Variants in ELFN1 observed in about 807,000 individuals in gnomAD.
ELFN1 encodes protein ELFN1.
Under a neutral mutation model 7.6 loss-of-function variants are expected in ELFN1, and 6 were observed. The ratio of observed to expected loss-of-function variants is 0.79; its 90% CI spans 0.43 to 1.56. ELFN1 has a LOEUF of 1.56. Among genes scored for constraint, ELFN1 ranks in the 40% most tolerant of loss-of-function variants. ELFN1 has a pLI of 0.01. For synonymous variants in ELFN1, 657 were observed against 588.1 expected (o/e 1.12, Z -1.70); for missense variants, 1,169 against 1,232.2 (o/e 0.95, Z 0.77).
At chr7:1,721,517 G>A (rs919005952) in intron 3 of ELFN1, among the ~76,000 whole-genome samples, 4 of 152,216 alleles carry the variant, frequency 2.6e-5, no homozygotes, top group African/African-American at 9.6e-5. Flanking sequence ...TGCTTTAAAC[G>A]CCTTGTCGGC....
At chr7:1,696,059 C>T (rs1779300842) in intron 2 of ELFN1, among the ~76,000 whole-genome samples, 1 of 152,154 alleles carries the variant, frequency 6.6e-6, no homozygotes. Context: ...TCTCCCCGCC[C>T]TGAGACTGGA....
chr7:1,699,196 C>T (rs1007931031), intron 2 of ELFN1, among the ~76,000 whole-genome samples: 12 of 152,166 alleles, frequency 7.9e-5, no homozygotes, highest in African/African-American at 2.7e-4. Flanking sequence ...TGCTGATGGC[C>T]TTTCAGGTTG....
intron 2 of ELFN1, among the ~76,000 whole-genome samples, chr7:1,690,948 A>C (rs1027387968): frequency 6.6e-6 from 1 of 152,168 alleles, no homozygotes; most frequent in African/African-American, 2.4e-5. Context: ...GTAGATAATG[A>C]ATGAGTGGAT....
chr7:1,713,388 C>G lies in ELFN1; in HGVS notation c.-294+4136C>G, dbSNP rs529015389. On this transcript the variant is annotated intron_variant, in intron 3 of 3. Transcript: ENST00000424383. ...CGCTCCGCTGAGTCTTCCTCAGGAA[C>G]TTGGGGTGGGACGCATTGTTTCCGA... Among the ~76,000 whole-genome samples, 10 of 152,312 alleles carry G rather than the reference C, an allele frequency of 6.6e-5. No individual in the cohort carries two copies. The East Asian group carries it at 1.9e-3, about 29-fold the overall frequency.
At position 1,741,231 on chromosome 7, in the gene ELFN1, C is replaced by G. The variant is rs148575539; in HGVS notation, c.-293-3073C>G. On this transcript the variant is annotated intron_variant, in intron 3 of 3. Transcript: ENST00000424383. The stretch of plus-strand genomic sequence containing the variant: ...TGTGCCTCCTAAGGGGCTGTGGGCC[C>G]ACCCTTCCTCCCTGGCAGGGCGCTG... 6.6e-3 allele frequency among the ~76,000 whole-genome samples: 1,002 copies of G among 152,296 alleles called. 14 individuals carry two copies. The highest frequency in any genetic ancestry group is 0.023 in the African/African-American group (952 of 41,578).
chr7:1,678,312 C>G (rs1778910543), intron 1 of ELFN1, among the ~76,000 whole-genome samples: 1 of 152,196 alleles, frequency 6.6e-6, no homozygotes, highest in Non-Finnish European at 1.5e-5. Flanking sequence ...CTGCCACGAC[C>G]ACCCAGGGCA....
chr7:1,746,878 G>A lies in ELFN1; in HGVS notation c.2282G>A (p.Ser761Asn). The change falls in exon 4 of 4, where the codon AGC becomes AAC. Residue 761 changes from serine (S) to asparagine (N), a missense_variant. Ser to Asn is a conservative substitution (Grantham distance 46). Coordinates refer to ENST00000424383, the MANE Select transcript of ELFN1 (RefSeq NM_001128636.4). ...CTGTCCCCGCAGTACCACAGCCTGA[G>A]CTACTCCTCCAGCCCCGAGTACACC... The part of the protein sequence containing the change: ...SQLSPQYHSL[S>N]YSSSPEYTCR... 1.3e-6 allele frequency: 2 copies of A among 1,544,084 alleles called. No homozygotes were observed. Among genetic ancestry groups the A allele is most frequent in the Non-Finnish European group, 1.7e-6 (2 of 1,143,644 alleles).
rs1048719264 is a variant in ELFN1 at position 1,705,628 on chromosome 7, G to A, written c.-455-3463G>A. On this transcript the variant is annotated intron_variant, in intron 2 of 3. Coordinates refer to ENST00000424383, the MANE Select transcript of ELFN1 (RefSeq NM_001128636.4). This position sits in a 1 kb window ranked among gnomAD's most constrained non-coding sequence, Gnocchi z 4.3. Reference sequence around the variant, plus strand: ...CCACTCGGAGCCTCAATTTACCCTCGCCTCTGGGGGCTGCTGTCCCTCTGG... The same window carrying A: ...CCACTCGGAGCCTCAATTTACCCTCACCTCTGGGGGCTGCTGTCCCTCTGG... Among the ~76,000 whole-genome samples, 5 of 152,218 alleles carry A rather than the reference G, an allele frequency of 3.3e-5. No individual in the cohort carries two copies. Among genetic ancestry groups the A allele is most frequent in the Admixed American group, 2.6e-4 (4 of 15,288 alleles).
chr7:1,722,199 C>T (rs372872538), intron 3 of ELFN1, among the ~76,000 whole-genome samples: 14 of 151,924 alleles, frequency 9.2e-5, no homozygotes, highest in South Asian at 8.3e-4. Context: ...CCCAGAGTTA[C>T]GTCTTGGAAG....
rs142153956 is a variant in ELFN1, at chr7:1,703,305, G to A, written c.-455-5786G>A. On this transcript the variant is annotated intron_variant, in intron 2 of 3. Coordinates refer to ENST00000424383, the MANE Select transcript of ELFN1 (RefSeq NM_001128636.4). ...TAGTTATCATTTATCTGTCACATTC[G>A]CCACAAATATCTTTCCCTCTCTGCT... 2.2e-3 allele frequency among the ~76,000 whole-genome samples: 334 copies of A among 152,124 alleles called. 1 individual carries two copies. Among genetic ancestry groups the A allele is most frequent in the African/African-American group, 7.5e-3 (311 of 41,492 alleles).
chr7:1,707,130 CCAGCACACGCATG>C (rs1266963261), intron 2 of ELFN1, among the ~76,000 whole-genome samples: 3 of 152,356 alleles, frequency 2.0e-5, no homozygotes, highest in South Asian at 4.1e-4. Flanking sequence ...CACACCGTGC[CCAGCACACGCATG>C]TGAGAACATG....
At chr7:1,708,439 G>A (rs1040909329) in intron 2 of ELFN1, among the ~76,000 whole-genome samples, 1 of 152,230 alleles carries the variant, frequency 6.6e-6, no homozygotes, top group African/African-American at 2.4e-5. Flanking sequence ...GACCAGCACA[G>A]AGCTGCGCTT....
chr7:1,723,371 C>T (rs559405134), intron 3 of ELFN1, among the ~76,000 whole-genome samples: 34 of 152,308 alleles, frequency 2.2e-4, no homozygotes, highest in Admixed American at 6.5e-4. Flanking sequence ...CTATGTAATA[C>T]GCTTTTGCAG....
chr7:1,701,125 CTGTGTGTGCA>C (rs1779420048), intron 2 of ELFN1, among the ~76,000 whole-genome samples: 1 of 150,848 alleles, frequency 6.6e-6, no homozygotes, highest in East Asian at 1.9e-4. Flanking sequence ...GTATGTGAGC[CTGTGTGTGCA>C]TGTGTGTGTG....
rs190916578 is a variant in ELFN1, at chr7:1,706,191, G to A, written c.-455-2900G>A. ...TGTTATCCCAGCACTTTGAGAGGCC[G>A]AGGTGGGTGGATCACGAGGTCAGGA... is the stretch of plus-strand genomic sequence containing the variant. On this transcript the variant is annotated intron_variant, in intron 2 of 3. Coordinates refer to ENST00000424383, the MANE Select transcript of ELFN1 (RefSeq NM_001128636.4). Among the ~76,000 whole-genome samples, 256 of 152,308 alleles carry A rather than the reference G, an allele frequency of 1.7e-3. 3 individuals carry two copies. Among genetic ancestry groups the A allele is most frequent in the African/African-American group, 5.5e-3 (228 of 41,574 alleles).
At chr7:1,676,968 G>A (rs565681125) in intron 1 of ELFN1, among the ~76,000 whole-genome samples, 2 of 152,296 alleles carry the variant, frequency 1.3e-5, no homozygotes, top group African/African-American at 4.8e-5. Context: ...ACGAGGGAAT[G>A]AGCCACCCAG....
At chr7:1,681,615 C>T (rs560754722) in intron 1 of ELFN1, among the ~76,000 whole-genome samples, 3 of 152,336 alleles carry the variant, frequency 2.0e-5, no homozygotes, top group Admixed American at 6.5e-5. Context: ...CCACCCACCT[C>T]GGCCTCCCAA....
In ELFN1 at chr7:1,746,016, G is replaced by A; in HGVS notation, c.1420G>A (p.Glu474Lys). ...KTIIELKYGP[E>K]LEAPGLAPLS... ...CATCATCGAGCTCAAGTACGGGCCA[G>A]AGCTGGAGGCGCCCGGCCTGGCCCC... Residue 474 changes from glutamate to lysine, a missense_variant, in exon 4 of 4, where the codon GAG (glutamate) becomes AAG (lysine). Physicochemically the swap from Glu to Lys is moderately conservative, Grantham distance 56 (BLOSUM62 1). Around this residue, in one of 2 missense-constraint regions of ELFN1, gnomAD observed 914 missense variants for 872.6 expected, o/e 1.05. Transcript: ENST00000424383. The A allele has an allele frequency of 6.5e-7, 1 of 1,544,670 alleles. No homozygotes were observed. The highest frequency in any genetic ancestry group is 1.2e-5 in the South Asian group (1 of 83,708).
At chr7:1,693,335 T>C (rs1779215799) in intron 2 of ELFN1, 1 of 460,094 alleles carries the variant, frequency 2.2e-6, no homozygotes. Context: ...ATTCCAAGAG[T>C]CTGGGCAGGC....
Sources: allele counts gnomAD v4.1 joint callset (sites outside exome capture counted in the v4.1 genomes callset), GRCh38; gene constraint gnomAD v4.1.1; regional missense constraint gnomAD v4.1.1; non-coding constraint Gnocchi (gnomAD v3.1); transcripts MANE v1.5; gene names NCBI Gene and HGNC (gene_info 2026-07-23, HGNC 2026-07-21).